AFG2A: variants seen among roughly 807,000 people sequenced by gnomAD.
AFG2A encodes ATPase family gene 2 protein homolog A.
At chr4:123,093,856 A>C in the AFG2A span, among the ~76,000 whole-genome samples, 3 of 152,230 alleles carry the variant, frequency 2.0e-5, no homozygotes, top group Non-Finnish European at 2.9e-5. Context: ...TTTAGAAGAT[A>C]CAAACTTTAG....
chr4:123,247,624 C>A, the AFG2A span, among the ~76,000 whole-genome samples: 1 of 130,880 alleles, frequency 7.6e-6, no homozygotes, highest in African/African-American at 2.5e-5. Flanking sequence ...GATGGGGTTG[C>A]GCCATGTTGC....
At chr4:122,953,481 G>A in the AFG2A span, among the ~76,000 whole-genome samples, 9 of 152,362 alleles carry the variant, frequency 5.9e-5, no homozygotes, top group Admixed American at 5.9e-4. Flanking sequence ...TATATAGTTA[G>A]TTCTACATGT....
the AFG2A span, among the ~76,000 whole-genome samples, chr4:123,150,405 CT>C: frequency 6.6e-6 from 1 of 152,174 alleles, no homozygotes; most frequent in East Asian, 1.9e-4. Context: ...ACTCCTTAAG[CT>C]GATAAGCAAC....
the AFG2A span, among the ~76,000 whole-genome samples, chr4:122,964,553 C>T: frequency 7.3e-3 from 1,096 of 150,992 alleles, 10 homozygotes; most frequent in African/African-American, 0.018. Flanking sequence ...ATAGAATAAT[C>T]GACTACTCTT....
the AFG2A span, among the ~76,000 whole-genome samples, chr4:123,073,880 G>T: frequency 6.6e-6 from 1 of 152,126 alleles, no homozygotes; most frequent in African/African-American, 2.4e-5. Flanking sequence ...TTAGGACTCA[G>T]AAATGCCCTG....
chr4:123,202,695 C>T, the AFG2A span, among the ~76,000 whole-genome samples: 1 of 152,196 alleles, frequency 6.6e-6, no homozygotes, highest in Middle Eastern at 3.4e-3. Flanking sequence ...CAATTTGACC[C>T]CTATTACAGA....
the AFG2A span, among the ~76,000 whole-genome samples, chr4:123,071,619 T>G: frequency 2.0e-5 from 3 of 152,236 alleles, no homozygotes; most frequent in African/African-American, 7.2e-5. Context: ...AAATACATGC[T>G]TTTATGTCAC....
the AFG2A span, among the ~76,000 whole-genome samples, chr4:123,208,116 G>A: frequency 6.6e-6 from 1 of 152,092 alleles, no homozygotes; most frequent in Non-Finnish European, 1.5e-5. Context: ...TAAGAGTCTG[G>A]AACTAAATCC....
the AFG2A span, among the ~76,000 whole-genome samples, chr4:123,298,970 C>G: frequency 1.3e-5 from 2 of 152,146 alleles, no homozygotes; most frequent in South Asian, 4.1e-4. Flanking sequence ...CAGGTTGCTG[C>G]CAGAGTGATA....
the AFG2A span, among the ~76,000 whole-genome samples, chr4:123,097,565 C>T: frequency 1.3e-5 from 2 of 152,208 alleles, no homozygotes; most frequent in South Asian, 2.1e-4. Flanking sequence ...TCAGCTTTGC[C>T]ATCTTTACAC....
the AFG2A span, among the ~76,000 whole-genome samples, chr4:123,007,505 C>A: frequency 6.7e-6 from 1 of 148,488 alleles, no homozygotes; most frequent in Admixed American, 6.7e-5. Flanking sequence ...ATTCTTCTTT[C>A]TTGCCTATTA....
At chr4:123,089,170 A>G in the AFG2A span, among the ~76,000 whole-genome samples, 118 of 152,320 alleles carry the variant, frequency 7.7e-4, 1 homozygote, top group Non-Finnish European at 1.4e-3. Context: ...TCTCCTGTGG[A>G]TACACTAAGT....
At chr4:123,250,714 TTTTTAATAAAG>T in the AFG2A span, among the ~76,000 whole-genome samples, 1 of 152,166 alleles carries the variant, frequency 6.6e-6, no homozygotes, top group Non-Finnish European at 1.5e-5. Context: ...TGATTTGTGT[TTTTTAATAAAG>T]TTTTAATGGA....
At chr4:123,034,764 ATTC>A in the AFG2A span, among the ~76,000 whole-genome samples, 9 of 152,282 alleles carry the variant, frequency 5.9e-5, no homozygotes, top group African/African-American at 2.2e-4. Context: ...TATCTGCTCA[ATTC>A]TTCTGTAAAT....
At chr4:123,270,418 G>A in the AFG2A span, among the ~76,000 whole-genome samples, 1 of 152,142 alleles carries the variant, frequency 6.6e-6, no homozygotes. Flanking sequence ...GTGGGGAAGG[G>A]TACTCCCTAA....
the AFG2A span, among the ~76,000 whole-genome samples, chr4:123,048,703 T>A: frequency 6.6e-6 from 1 of 152,164 alleles, no homozygotes; most frequent in Non-Finnish European, 1.5e-5. Context: ...GTGCTACTGA[T>A]TTTTGTATGT....
the AFG2A span, among the ~76,000 whole-genome samples, chr4:123,180,873 T>G: frequency 6.6e-6 from 1 of 152,080 alleles, no homozygotes; most frequent in Admixed American, 6.5e-5. Context: ...GCAAACTTTC[T>G]CTGTAAAGGT....
At chr4:122,958,452 T>C in the AFG2A span, among the ~76,000 whole-genome samples, 13 of 152,224 alleles carry the variant, frequency 8.5e-5, no homozygotes, top group African/African-American at 3.1e-4. Context: ...TCCAGATGTA[T>C]TTCTGGGTAT....
At chr4:123,179,329 ACTTACTTACT>A in the AFG2A span, among the ~76,000 whole-genome samples, 1 of 151,778 alleles carries the variant, frequency 6.6e-6, no homozygotes, top group African/African-American at 2.4e-5. Context: ...TTACTTACTT[ACTTACTTACT>A]TATATATGTC....
Sources: allele counts gnomAD v4.1 joint callset (sites outside exome capture counted in the v4.1 genomes callset), GRCh38; gene constraint gnomAD v4.1.1; transcripts MANE v1.5; gene names NCBI Gene and HGNC (gene_info 2026-07-23, HGNC 2026-07-21).